CREB1: variants seen among roughly 807,000 people sequenced by gnomAD.
The protein encoded by CREB1 is cAMP responsive element binding protein 1, also known as cyclic AMP-responsive element-binding protein 1.
In CREB1, 2 loss-of-function variants were observed where a neutral mutation model predicts 42.0. The ratio of observed to expected loss-of-function variants is 0.05; its 90% confidence interval spans 0.02 to 0.15. The LOEUF (loss-of-function observed/expected upper bound fraction) is 0.15, where lower values mean the gene tolerates loss of function less well. Ranked by LOEUF, CREB1 falls within the 10% of genes least tolerant of loss-of-function variation. The probability of loss-of-function intolerance (pLI) is 1.00; values close to 1 mark genes in which losing one functional copy is unlikely to be tolerated. For synonymous variants in CREB1, 123 were observed against 139.9 expected (o/e 0.88, Z 0.85); for missense variants, 199 against 388.9 (o/e 0.51, Z 4.11).
At chr2:207,579,695 T>G (rs1429691682) in intron 7 of CREB1, among the ~76,000 whole-genome samples, 1 of 152,202 alleles carries the variant, frequency 6.6e-6, no homozygotes, top group Non-Finnish European at 1.5e-5. Context: ...AACTTCTCAT[T>G]GATTCTGCCA....
At chr2:207,565,967 T>C (rs1451431979) in intron 3 of CREB1, among the ~76,000 whole-genome samples, 2 of 152,220 alleles carry the variant, frequency 1.3e-5, no homozygotes, top group African/African-American at 2.4e-5. Context: ...TGTGCTTCTT[T>C]GGCAGTAATT....
chr2:207,549,190 TGAG>T (rs554837038), intron 1 of CREB1, among the ~76,000 whole-genome samples: 143 of 152,334 alleles, frequency 9.4e-4, no homozygotes, highest in African/African-American at 3.3e-3. Context: ...TGATCTATGT[TGAG>T]GAGTGTGTGT....
rs532944218 is a variant in CREB1, at chr2:207,601,814, GATAA to G, written c.*4760_*4763del. ...TAAGGCTGTAGGTGAAGAGTTGTGA[GATAA>G]ATAGTTCACTCAGTTGTACAAAGCA... On this transcript the variant is annotated 3_prime_UTR_variant, in exon 8 of 8. Coordinates refer to ENST00000353267, the MANE Select transcript of CREB1 (RefSeq NM_004379.5). 8 of 219,396 alleles carry G rather than the reference GATAA, an allele frequency of 3.6e-5. No individual in the cohort carries two copies. The South Asian group carries it at 1.1e-3, about 31-fold the overall frequency. 13.6% of individuals were successfully genotyped at this position (219,396 alleles called of 1,614,324 possible).
intron 7 of CREB1, chr2:207,581,291 A>G (rs997980575): frequency 5.1e-6 from 1 of 197,440 alleles, no homozygotes; most frequent in African/African-American, 2.3e-5. Flanking sequence ...AAAATTCTAA[A>G]AAAATTAAAA....
intron 7 of CREB1, among the ~76,000 whole-genome samples, chr2:207,589,291 C>G (rs2084509652): frequency 6.6e-6 from 1 of 152,144 alleles, no homozygotes. Flanking sequence ...CTAGAGGCCA[C>G]CCACATTTTT....
intron 5 of CREB1, among the ~76,000 whole-genome samples, chr2:207,575,033 T>C (rs541040171): frequency 7.9e-5 from 12 of 152,314 alleles, no homozygotes; most frequent in Admixed American, 2.0e-4. Context: ...CTTAAAAAAA[T>C]TGTTAACAGG....
intron 1 of CREB1, among the ~76,000 whole-genome samples, chr2:207,536,858 T>C (rs1178885660): frequency 6.6e-6 from 1 of 151,238 alleles, no homozygotes; most frequent in Non-Finnish European, 1.5e-5. Flanking sequence ...GGTATAGTTG[T>C]ATACGCCTGT....
chr2:207,568,463 C>A (rs1246806961), intron 4 of CREB1, among the ~76,000 whole-genome samples: 1 of 151,966 alleles, frequency 6.6e-6, no homozygotes, highest in African/African-American at 2.4e-5. Context: ...ACATTTGATC[C>A]TGAAGCAAAT....
intron 2 of CREB1, among the ~76,000 whole-genome samples, chr2:207,559,742 T>C (rs1439560095): frequency 1.3e-5 from 2 of 152,238 alleles, no homozygotes; most frequent in African/African-American, 4.8e-5. Context: ...TAACATGATA[T>C]TCTTTAGAAT....
chr2:207,556,321 T>C (rs958111174), intron 2 of CREB1, among the ~76,000 whole-genome samples: 1 of 152,202 alleles, frequency 6.6e-6, no homozygotes, highest in Non-Finnish European at 1.5e-5. Context: ...TTTGCATGCA[T>C]TCTCCTCAAC....
chr2:207,533,111 A>G (rs1033240071), intron 1 of CREB1, among the ~76,000 whole-genome samples: 1 of 151,126 alleles, frequency 6.6e-6, no homozygotes, highest in African/African-American at 2.4e-5. Context: ...ATGAACACCT[A>G]CATTTAGAAA....
chr2:207,594,430 A>G (rs1042985553), intron 7 of CREB1, among the ~76,000 whole-genome samples: 4 of 152,140 alleles, frequency 2.6e-5, no homozygotes, highest in Non-Finnish European at 5.9e-5. Flanking sequence ...TCCTGTTTCT[A>G]TGAATTTGAT....
At chr2:207,583,192 AT>A (rs2083250226) in intron 7 of CREB1, among the ~76,000 whole-genome samples, 1 of 152,160 alleles carries the variant, frequency 6.6e-6, no homozygotes, top group South Asian at 2.1e-4. Context: ...ATATAATGCC[AT>A]TTTATATAAG....
intron 5 of CREB1, among the ~76,000 whole-genome samples, chr2:207,574,007 T>C (rs1232282417): frequency 6.6e-6 from 1 of 152,238 alleles, no homozygotes; most frequent in Non-Finnish European, 1.5e-5. Flanking sequence ...CTGCCTAAGA[T>C]AAGTAAAACT....
At chr2:207,586,102 T>G (rs138750164) in intron 7 of CREB1, among the ~76,000 whole-genome samples, 1 of 152,228 alleles carries the variant, frequency 6.6e-6, no homozygotes, top group African/African-American at 2.4e-5. Context: ...AAGAAAAAAT[T>G]CTTATGGAAC....
At chr2:207,554,001 C>T (rs1377824764) in intron 1 of CREB1, among the ~76,000 whole-genome samples, 1 of 152,044 alleles carries the variant, frequency 6.6e-6, no homozygotes, top group African/African-American at 2.4e-5. Flanking sequence ...TAATGGTTCT[C>T]TTAATGATGG....
chr2:207,536,715 C>T (rs1485618219), intron 1 of CREB1, among the ~76,000 whole-genome samples: 1 of 151,876 alleles, frequency 6.6e-6, no homozygotes, highest in African/African-American at 2.4e-5. Context: ...TTTGGCCAGG[C>T]GTGGTGGCTC....
intron 7 of CREB1, among the ~76,000 whole-genome samples, chr2:207,584,995 C>T (rs2083563133): frequency 6.6e-6 from 1 of 151,978 alleles, no homozygotes; most frequent in Admixed American, 6.6e-5. Context: ...CCTGGATAGG[C>T]CCAGCCCACT....
chr2:207,594,260 T>G (rs1350153709), intron 7 of CREB1, among the ~76,000 whole-genome samples: 1 of 152,178 alleles, frequency 6.6e-6, no homozygotes, highest in Non-Finnish European at 1.5e-5. Context: ...ACCATCTTAA[T>G]GAGTTTTAAG....
Sources: allele counts gnomAD v4.1 joint callset (sites outside exome capture counted in the v4.1 genomes callset), GRCh38; gene constraint gnomAD v4.1.1; transcripts MANE v1.5; gene names NCBI Gene and HGNC (gene_info 2026-07-23, HGNC 2026-07-21).